Variants in EXOSC10 observed in about 807,000 individuals in gnomAD.
The protein encoded by EXOSC10 is exosome complex component 10.
In EXOSC10, 94 loss-of-function variants were observed where a neutral mutation model predicts 126.6. The ratio of observed to expected loss-of-function variants is 0.74; its 90% CI spans 0.63 to 0.88. The LOEUF is 0.88. Ranked by LOEUF, EXOSC10 falls within the 40% of genes least tolerant of loss-of-function variation. The pLI is 0.00. For synonymous variants in EXOSC10, 395 were observed against 400.8 expected (o/e 0.99, Z 0.17); for missense variants, 1,041 against 1,100.5 (o/e 0.95, Z 0.77).
At position 11,080,561 on chromosome 1, in the gene EXOSC10, AAAACACACACACAC is replaced by A. The variant is rs879018245; in HGVS notation, c.1587-26_1587-13del. The A allele has an allele frequency of 8.0e-6, 12 of 1,504,814 alleles. No homozygotes were observed. Among genetic ancestry groups the A allele is most frequent in the South Asian group, 3.6e-5 (3 of 83,286 alleles). The allele number at this position is 1,504,814 out of a possible 1,614,324, so 93.2% of individuals were successfully genotyped here. ...TTGGCAGTACATATCTGGAAAAAAA[AAAACACACACACAC>A]ACACACACACACACACACACACACA... is the stretch of plus-strand genomic sequence containing the variant. On this transcript the variant is annotated splice_polypyrimidine_tract_variant and intron_variant, in intron 12 of 24. Transcript: ENST00000376936.
intron 15 of EXOSC10, 29 bp from the exon 16 acceptor site, chr1:11,077,472 A>G: frequency 4.3e-6 from 7 of 1,609,362 alleles, no homozygotes; most frequent in Non-Finnish European, 6.0e-6. Flanking sequence ...GCAGGCTGGC[A>G]TGTAAAACGT....
At chr1:11,092,645 G>A (rs1337346333) in intron 3 of EXOSC10, among the ~76,000 whole-genome samples, 1 of 151,632 alleles carries the variant, frequency 6.6e-6, no homozygotes, top group Non-Finnish European at 1.5e-5. Context: ...AGCCTCCCGA[G>A]TATCTGGGAC....
At chr1:11,098,245 T>C (rs1005546439) in intron 1 of EXOSC10, 89 bp from the exon 2 acceptor site, 3 of 1,428,926 alleles carry the variant, frequency 2.1e-6, no homozygotes, top group Admixed American at 2.7e-5. Context: ...ATACAAGGTA[T>C]CTACTCTTCA....
chr1:11,076,946 A>G lies in EXOSC10; in HGVS notation c.1882T>C (p.Ser628Pro), dbSNP rs1166337913. ...DGYPIIPTSG[S>P]VPVQKQASLF... ...CTCGCCTGCTTCTGAACTGGCACAG[A>G]TCCTAGAGGAGCAGAAGATAGTAAG... The change falls in exon 17 of 25, where the codon TCT becomes CCT. Residue 628 changes from serine to proline, a missense_variant and splice_region_variant. Ser to Pro is a moderately conservative substitution (Grantham distance 74). Around this residue, in one of 3 missense-constraint regions of EXOSC10, gnomAD observed 388 missense variants for 415.2 expected, o/e 0.93. Coordinates refer to ENST00000376936, the MANE Select transcript of EXOSC10 (RefSeq NM_001001998.3). 1.9e-6 allele frequency: 3 copies of G among 1,611,424 alleles called. No homozygotes were observed. The highest frequency in any genetic ancestry group is 2.5e-6 in the Non-Finnish European group (3 of 1,178,090).
At chr1:11,081,305 T>C (rs1474157792) in intron 10 of EXOSC10, 67 bp from the exon 11 acceptor site, 1 of 1,582,570 alleles carries the variant, frequency 6.3e-7, no homozygotes, top group African/African-American at 1.3e-5. Flanking sequence ...TGTCTATTCC[T>C]TGGGTGCTGG....
chr1:11,068,698 T>C lies in EXOSC10; in HGVS notation c.2497A>G (p.Lys833Glu). ...SDFKAFAGNSKSKVSSQFDPN... is the reference protein window; with the variant it reads ...SDFKAFAGNSESKVSSQFDPN... ...TCAAACTGAGAAGAAACTTTGGATT[T>C]GCTGTTTCCTGAAAGGTAAGAGATG... Residue 833 changes from lysine to glutamate, a missense_variant, in exon 23 of 25, where the codon AAA becomes GAA. Coordinates refer to ENST00000376936, the MANE Select transcript of EXOSC10 (RefSeq NM_001001998.3). 1 of 1,614,104 alleles carries C rather than the reference T, an allele frequency of 6.2e-7. No individual in the cohort carries two copies. The highest frequency in any genetic ancestry group is 8.5e-7 in the Non-Finnish European group (1 of 1,179,936).
In EXOSC10 at chr1:11,079,721, G is replaced by A; in HGVS notation, c.1739C>T (p.Pro580Leu). The A allele has an allele frequency of 6.2e-7, 1 of 1,613,160 alleles. No individual in the cohort carries two copies. Among genetic ancestry groups the A allele is most frequent in the Non-Finnish European group, 8.5e-7 (1 of 1,179,564 alleles). ...AGAAAAGCTTCTTACCTTGAGCAGG[G>A]GCATCTCTCGGGCCTGCTGGATTAA... Reference protein sequence around the residue: ...HLLIQQAREMPLLKSEVAAGV... With the variant: ...HLLIQQAREMLLLKSEVAAGV... Residue 580 changes from proline (P) to leucine (L), a missense_variant, in exon 14 of 25, where the codon CCC becomes CTC. Pro to Leu is a moderately conservative substitution (Grantham distance 98, BLOSUM62 -3). Transcript: ENST00000376936.
intron 6 of EXOSC10, 140 bp downstream of exon 6, chr1:11,090,414 T>C (rs1045949585): frequency 2.7e-6 from 2 of 731,478 alleles, no homozygotes; most frequent in Non-Finnish European, 4.9e-6. Context: ...CAGCAGGTTT[T>C]ATTGCTAAGG....
chr1:11,070,852 G>C (rs1437961615), intron 21 of EXOSC10, 48 bp downstream of exon 21: 1 of 1,527,352 alleles, frequency 6.5e-7, no homozygotes, highest in African/African-American at 1.4e-5. Flanking sequence ...CTGACCACAA[G>C]CAGGGGCATC....
At position 11,068,915 on chromosome 1, in the gene EXOSC10, T is replaced by G. The variant is rs945793254; in HGVS notation, c.2489-209A>C. 3.7e-5 allele frequency: 22 copies of G among 592,036 alleles called. No individual in the cohort carries two copies. The African/African-American group carries it at 4.1e-4, about 11-fold the overall frequency. 36.7% of individuals were successfully genotyped at this position (592,036 alleles called of 1,614,324 possible). On this transcript the variant is annotated intron_variant, in intron 22 of 24. Coordinates refer to ENST00000376936, the MANE Select transcript of EXOSC10 (RefSeq NM_001001998.3). The stretch of plus-strand genomic sequence containing the variant: ...GGGCAGTCTGAAAACCAGGCCCATT[T>G]CTCTCAGCTCTAGTCCCAGGACCTT...
rs973046339 is a variant in EXOSC10 at position 11,071,104 on chromosome 1, C to T, written c.2243-131G>A. On this transcript the variant is annotated intron_variant, in intron 20 of 24. Coordinates refer to ENST00000376936, the MANE Select transcript of EXOSC10 (RefSeq NM_001001998.3). ...TGATTCCTCCTCCCTCTCAGGTCCCCGGTCCCCCATCTCTGCAGGACAGGC... is the reference window on the plus strand; with the variant it reads ...TGATTCCTCCTCCCTCTCAGGTCCCTGGTCCCCCATCTCTGCAGGACAGGC... The T allele has an allele frequency of 4.8e-5, 35 of 732,652 alleles. 1 individual carries two copies. Among genetic ancestry groups the T allele is most frequent in the South Asian group, 4.6e-4 (27 of 58,154 alleles). 45.4% of individuals were successfully genotyped at this position (732,652 alleles called of 1,614,324 possible).
chr1:11,079,602 C>G, intron 14 of EXOSC10, 109 bp downstream of exon 14: 1 of 845,114 alleles, frequency 1.2e-6, no homozygotes, highest in East Asian at 2.8e-5. Flanking sequence ...CCATGTTGGC[C>G]AGGCTGGTCT....
At position 11,082,772 on chromosome 1, in the gene EXOSC10, C is replaced by T. The variant is rs762452090; in HGVS notation, c.1196G>A (p.Gly399Asp). ...CAGGAGATGATCGAGTGAGTGCCTG[C>T]CCAGGTTAAGAAGGCGTGCTGCCTG... is the stretch of plus-strand genomic sequence containing the variant. The part of the protein sequence containing the change: ...THQAARLLNL[G>D]RHSLDHLLKL... The change falls in exon 10 of 25, where the codon GGC becomes GAC. Residue 399 changes from glycine (G) to aspartate (D), a missense_variant. Physicochemically the swap from Gly to Asp is moderately conservative, Grantham distance 94. Coordinates refer to ENST00000376936, the MANE Select transcript of EXOSC10 (RefSeq NM_001001998.3). 5 of 1,614,180 alleles carry T rather than the reference C, an allele frequency of 3.1e-6. No individual in the cohort carries two copies. The Admixed American group carries it at 6.7e-5, about 22-fold the overall frequency.
chr1:11,080,476 T>C, intron 13 of EXOSC10, 23 bp downstream of exon 13: 1 of 1,612,816 alleles, frequency 6.2e-7, no homozygotes, highest in African/African-American at 1.3e-5. Context: ...AGTCAGAACA[T>C]ATTAATCAGA....
chr1:11,096,806 A>G (rs1275631191), intron 2 of EXOSC10, among the ~76,000 whole-genome samples: 1 of 152,140 alleles, frequency 6.6e-6, no homozygotes, highest in Admixed American at 6.5e-5. Flanking sequence ...AAACCAATAA[A>G]ACTTGCACCC....
chr1:11,077,123 C>G, intron 16 of EXOSC10, 175 bp from the exon 17 acceptor site: 1 of 629,070 alleles, frequency 1.6e-6, no homozygotes, highest in South Asian at 2.0e-5. Context: ...TCCTAAGTAG[C>G]TAAGATTACA....
chr1:11,073,277 C>T (rs1020318707), intron 19 of EXOSC10, among the ~76,000 whole-genome samples: 48 of 152,112 alleles, frequency 3.2e-4, no homozygotes, highest in African/African-American at 1.0e-3. Flanking sequence ...GGACTACAGG[C>T]GCCTGCCACG....
rs3737621 is a variant in EXOSC10 at position 11,090,625 on chromosome 1, C to T, written c.687G>A (p.Glu229=). The change falls in exon 6 of 25, where the codon GAG becomes GAA. Residue 229 remains glutamate (E), a synonymous_variant. Transcript: ENST00000376936. ...ERRERPQDRP[E]DLDVPPALAD... Reference sequence around the variant, plus strand: ...CCAGTGCAGGGGGGACGTCCAAGTCCTCAGGACGATCCTGTGGGCGTTCCC... The same window carrying T: ...CCAGTGCAGGGGGGACGTCCAAGTCTTCAGGACGATCCTGTGGGCGTTCCC... 63,542 of 1,613,564 alleles carry T rather than the reference C, an allele frequency of 0.039. 2,377 individuals carry two copies. Among genetic ancestry groups the T allele is most frequent in the East Asian group, 0.14 (6,099 of 44,866 alleles).
intron 5 of EXOSC10, 80 bp downstream of exon 5, chr1:11,090,918 CTCCCTTTGAACAAAGA>C: frequency 7.4e-7 from 1 of 1,343,624 alleles, no homozygotes; most frequent in Non-Finnish European, 1.0e-6. Context: ...GGAGGGTGGG[CTCCCTTTGAACAAAGA>C]AGAGAGACCT....
Sources: allele counts gnomAD v4.1 joint callset (sites outside exome capture counted in the v4.1 genomes callset), GRCh38; gene constraint gnomAD v4.1.1; regional missense constraint gnomAD v4.1.1; transcripts MANE v1.5; gene names NCBI Gene and HGNC (gene_info 2026-07-23, HGNC 2026-07-21).